The following VAMP1 variants were observed in gnomAD, a reference collection of about 807,000 sequenced individuals.
VAMP1 encodes vesicle-associated membrane protein 1.
In VAMP1, 16 loss-of-function variants were observed where a neutral mutation model predicts 19.1. The observed-to-expected ratio is 0.84, with a 90% CI of 0.57 to 1.27. The LOEUF is 1.27. VAMP1 is among the 50% of genes most tolerant of loss of function. The pLI, the probability that VAMP1 is intolerant of heterozygous loss-of-function variation, is 0.00. For missense variants in VAMP1, 109 were observed against 145.4 expected, an observed-to-expected ratio of 0.75 and a Z score of 1.29; for synonymous variants, 37 against 50.2, an observed-to-expected ratio of 0.74 and a Z score of 1.11.
At position 6,463,325 on chromosome 12, in the gene VAMP1, C is replaced by T; in HGVS notation, c.*1145G>A. ...CTGACACAGGCTGGCACGCCTCCCCCCAAGGTGGGGCTGGTGGGTCTACAT... is the reference window on the plus strand; with the variant it reads ...CTGACACAGGCTGGCACGCCTCCCCTCAAGGTGGGGCTGGTGGGTCTACAT... On this transcript the variant is annotated 3_prime_UTR_variant, in exon 5 of 5. Transcript: ENST00000396308. The surrounding 1 kb of genome is among the most constrained non-coding windows in gnomAD (Gnocchi z 4.0). The T allele has an allele frequency of 1.7e-6, 2 of 1,185,418 alleles. No individual in the cohort carries two copies. The highest frequency in any genetic ancestry group is 2.1e-6 in the Non-Finnish European group (2 of 950,610). 73.4% of individuals were successfully genotyped at this position (1,185,418 alleles called of 1,614,324 possible).
chr12:6,465,411 T>TGTATATATATATAC, intron 3 of VAMP1: 1 of 70,324 alleles, frequency 1.4e-5, no homozygotes, highest in African/African-American at 4.5e-5. Context: ...AATGTATATA[T>TGTATATATATATAC]ATGTATATAT....
In VAMP1 at chr12:6,465,963, A is replaced by AGAG; in HGVS notation, c.166_167insCTC (p.Val55_Leu56insPro). 1 of 1,614,260 alleles carries AGAG rather than the reference A, an allele frequency of 6.2e-7. No individual in the cohort carries two copies. Among genetic ancestry groups the AGAG allele is most frequent in the Non-Finnish European group, 8.5e-7 (1 of 1,180,044 alleles). On this transcript the variant is annotated inframe_insertion, in exon 3 of 5. Transcript: ENST00000396308. ...CTCTGACAGCTTCTGGTCCCTCTCCAGGACCTTGTCCACGTTCACACGTAT... is the reference window on the plus strand; with the variant it reads ...CTCTGACAGCTTCTGGTCCCTCTCCAGAGGGACCTTGTCCACGTTCACACGTAT...
intron 4 of VAMP1, 102 bp from the exon 5 acceptor site, chr12:6,464,588 T>G (rs535998857): frequency 6.8e-7 from 1 of 1,461,036 alleles, no homozygotes; most frequent in Non-Finnish European, 9.0e-7. Flanking sequence ...GGTCTCTCCA[T>G]TGTTAAGTGC....
chr12:6,470,574 T>TGCGGCGAGACAC lies in VAMP1; in HGVS notation c.-55_-44dup, dbSNP rs1945748246. On this transcript the variant is annotated 5_prime_UTR_variant, in exon 1 of 5. Coordinates refer to ENST00000396308, the MANE Select transcript of VAMP1 (RefSeq NM_014231.5). ...TGAGGGTCTGTTCCTCTCCGGAGGC[T>TGCGGCGAGACAC]GCGGCGAGACACCCGGTGAGGGACG... 6.2e-7 allele frequency: 1 copy of TGCGGCGAGACAC among 1,613,608 alleles called. No individual in the cohort carries two copies. Among genetic ancestry groups the TGCGGCGAGACAC allele is most frequent in the African/African-American group, 1.3e-5 (1 of 75,056 alleles).
At chr12:6,467,512 G>T (rs528584166) in intron 1 of VAMP1, among the ~76,000 whole-genome samples, 1 of 152,214 alleles carries the variant, frequency 6.6e-6, no homozygotes, top group African/African-American at 2.4e-5. Flanking sequence ...GTGGAACTTT[G>T]AACTTGAGAG....
chr12:6,467,333 A>G (rs1230221089), intron 1 of VAMP1, among the ~76,000 whole-genome samples: 5 of 152,190 alleles, frequency 3.3e-5, no homozygotes, highest in African/African-American at 1.2e-4. Context: ...CCTCCTAGAG[A>G]CTTGTTGAAT....
At position 6,462,722 on chromosome 12, in the gene VAMP1, G is replaced by C; in HGVS notation, c.*1748C>G. The C allele has an allele frequency of 8.5e-7, 1 of 1,171,266 alleles. No individual in the cohort carries two copies. 72.6% of individuals were successfully genotyped at this position (1,171,266 alleles called of 1,614,324 possible). Reference sequence around the variant, plus strand: ...CTTGGGACACATCGAGGACAGTGGTGGTTCTTCTCCAGCGGTGACCCCCTG... The same window carrying C: ...CTTGGGACACATCGAGGACAGTGGTCGTTCTTCTCCAGCGGTGACCCCCTG... On this transcript the variant is annotated 3_prime_UTR_variant, in exon 5 of 5. Coordinates refer to ENST00000396308, the MANE Select transcript of VAMP1 (RefSeq NM_014231.5).
At position 6,463,665 on chromosome 12, in the gene VAMP1, TAGATA is replaced by T; in HGVS notation, c.*800_*804del. 1.8e-6 allele frequency: 2 copies of T among 1,086,358 alleles called. No individual in the cohort carries two copies. Among genetic ancestry groups the T allele is most frequent in the Non-Finnish European group, 2.3e-6 (2 of 888,746 alleles). 67.3% of individuals were successfully genotyped at this position (1,086,358 alleles called of 1,614,324 possible). On this transcript the variant is annotated 3_prime_UTR_variant, in exon 5 of 5. Transcript: ENST00000396308. The surrounding 1 kb of genome is among the most constrained non-coding windows in gnomAD (Gnocchi z 4.0). The stretch of plus-strand genomic sequence containing the variant: ...TGGGAGCTAGGTTAAATTATTTGGC[TAGATA>T]AAACTACCAGCTAGATGGATTTATT...
At position 6,462,341 on chromosome 12, in the gene VAMP1, ACAAG is replaced by A. The variant is rs1299959530; in HGVS notation, c.*2125_*2128del. ...AGTACAACTGTTGTTATTACTCTAT[ACAAG>A]TATGAGATCAGGGTTAGGAAAAAAA... On this transcript the variant is annotated 3_prime_UTR_variant, in exon 5 of 5. Transcript: ENST00000396308. The A allele has an allele frequency of 1.8e-6, 1 of 559,458 alleles. No homozygotes were observed. The highest frequency in any genetic ancestry group is 3.2e-6 in the Non-Finnish European group (1 of 314,088). 34.7% of individuals were successfully genotyped at this position (559,458 alleles called of 1,614,324 possible).
In VAMP1 at chr12:6,462,878, C is replaced by T. The variant is rs548909077; in HGVS notation, c.*1592G>A. 9.4e-6 allele frequency: 15 copies of T among 1,599,948 alleles called. No individual in the cohort carries two copies. In the Admixed American group the frequency reaches 1.0e-4, roughly 11 times the overall value. ...ACGAAGGGAATGTGGGAAACAAGGG[C>T]GAAAGGAAAGGAAGGATGGTTTTGA... On this transcript the variant is annotated 3_prime_UTR_variant, in exon 5 of 5. Transcript: ENST00000396308.
In VAMP1 at chr12:6,464,371, T is replaced by G; in HGVS notation, c.*99A>C. The G allele has an allele frequency of 8.4e-6, 13 of 1,551,970 alleles. No homozygotes were observed. Among genetic ancestry groups the G allele is most frequent in the Non-Finnish European group, 1.1e-5 (13 of 1,147,186 alleles). On this transcript the variant is annotated 3_prime_UTR_variant, in exon 5 of 5. Transcript: ENST00000396308. ...GGTGATGGAGAAGCCTGGGCTGGAA[T>G]GGAGGACGGTGGGTGGGGAAGTGTG... is the stretch of plus-strand genomic sequence containing the variant.
intron 3 of VAMP1, among the ~76,000 whole-genome samples, chr12:6,465,491 G>A (rs1464327840): frequency 7.2e-6 from 1 of 139,724 alleles, no homozygotes; most frequent in Non-Finnish European, 1.5e-5. Context: ...GTGTGTGTGT[G>A]TATGTATATA....
In VAMP1 at chr12:6,463,166, A is replaced by T; in HGVS notation, c.*1304T>A. On this transcript the variant is annotated 3_prime_UTR_variant, in exon 5 of 5. Transcript: ENST00000396308. This position sits in a 1 kb window ranked among gnomAD's most constrained non-coding sequence, Gnocchi z 4.0. ...GTCTATACACACAAACCATGCAAAGAGGAGGAAGAGAAAGGAGGCAAAGTA... is the reference window on the plus strand; with the variant it reads ...GTCTATACACACAAACCATGCAAAGTGGAGGAAGAGAAAGGAGGCAAAGTA... 1 of 1,443,574 alleles carries T rather than the reference A, an allele frequency of 6.9e-7. No homozygotes were observed. The highest frequency in any genetic ancestry group is 2.7e-5 in the Admixed American group (1 of 37,286). The allele number at this position is 1,443,574 out of a possible 1,614,324, so 89.4% of individuals were successfully genotyped here.
rs1949904081 is a variant in VAMP1, at chr12:6,462,570, A to T, written c.*1900T>A. 7.2e-6 allele frequency: 4 copies of T among 557,366 alleles called. No individual in the cohort carries two copies. Among genetic ancestry groups the T allele is most frequent in the African/African-American group, 1.9e-5 (1 of 53,196 alleles). 34.5% of individuals were successfully genotyped at this position (557,366 alleles called of 1,614,324 possible). On this transcript the variant is annotated 3_prime_UTR_variant, in exon 5 of 5. Coordinates refer to ENST00000396308, the MANE Select transcript of VAMP1 (RefSeq NM_014231.5). ...AGAGGGTACAGGGTGGGTGAGAAAGAAAGTAGAAGGGCTAATACCCCCAAA... is the reference window on the plus strand; with the variant it reads ...AGAGGGTACAGGGTGGGTGAGAAAGTAAGTAGAAGGGCTAATACCCCCAAA...
Position 6,463,367 on chromosome 12 carries a change from G to T in VAMP1, c.*1103C>A. On this transcript the variant is annotated 3_prime_UTR_variant, in exon 5 of 5. Transcript: ENST00000396308. This position sits in a 1 kb window ranked among gnomAD's most constrained non-coding sequence, Gnocchi z 4.0. ...GGTCTACATGACTTCTCTGCATCCT[G>T]AGGATCGGCCGGGCCCCAGGAAGAA... is the stretch of plus-strand genomic sequence containing the variant. The T allele has an allele frequency of 9.1e-7, 1 of 1,094,690 alleles. No homozygotes were observed. Among genetic ancestry groups the T allele is most frequent in the Non-Finnish European group, 1.1e-6 (1 of 896,024 alleles). The allele number at this position is 1,094,690 out of a possible 1,614,324, so 67.8% of individuals were successfully genotyped here.
intron 1 of VAMP1, 89 bp downstream of exon 1, chr12:6,470,441 C>T: frequency 6.3e-7 from 1 of 1,588,250 alleles, no homozygotes; most frequent in Admixed American, 1.7e-5. Flanking sequence ...GCAGCTGCTG[C>T]ATTGCGCCAT....
rs1949926528 is a variant in VAMP1, at chr12:6,463,233, C to T, written c.*1237G>A. The T allele has an allele frequency of 7.9e-6, 11 of 1,400,306 alleles. No homozygotes were observed. The highest frequency in any genetic ancestry group is 8.3e-6 in the Non-Finnish European group (9 of 1,079,134). The allele number at this position is 1,400,306 out of a possible 1,614,324, so 86.7% of individuals were successfully genotyped here. ...GGGTGGTTCAAAGGGGAATATACTA[C>T]AGGAAGAACAGAGAGGCGGCTCTCA... is the stretch of plus-strand genomic sequence containing the variant. On this transcript the variant is annotated 3_prime_UTR_variant, in exon 5 of 5. Transcript: ENST00000396308. This position sits in a 1 kb window ranked among gnomAD's most constrained non-coding sequence, Gnocchi z 4.0.
At chr12:6,466,418 C>T in intron 1 of VAMP1, 67 bp from the exon 2 acceptor site, 1 of 1,543,948 alleles carries the variant, frequency 6.5e-7, no homozygotes, top group Admixed American at 2.0e-5. Flanking sequence ...CGTGGTAGCA[C>T]ACACCTGTAG....
intron 1 of VAMP1, among the ~76,000 whole-genome samples, chr12:6,469,078 A>G (rs1945703603): frequency 6.6e-6 from 1 of 152,236 alleles, no homozygotes; most frequent in Non-Finnish European, 1.5e-5. Context: ...AACTCCTCAG[A>G]GAGGCTATGG....
Sources: gnomAD v4.1 joint callset for allele counts (sites outside exome capture counted in the v4.1 genomes callset) on GRCh38, gnomAD v4.1.1 for gene constraint, Gnocchi (gnomAD v3.1) non-coding constraint, MANE v1.5 for transcripts, NCBI Gene and HGNC (gene_info 2026-07-23, HGNC 2026-07-21) for gene names.